PCCA: variants seen among roughly 807,000 people sequenced by gnomAD.
The protein encoded by PCCA is propionyl-CoA carboxylase alpha chain, mitochondrial.
PCCA carries 74 observed loss-of-function variants against 101.3 expected under a neutral mutation model. That is an observed-to-expected ratio of 0.73 (90% confidence interval 0.61 to 0.89). The LOEUF (loss-of-function observed/expected upper bound fraction) is 0.89, where lower values mean the gene tolerates loss of function less well. PCCA is among the 40% of genes least tolerant of loss of function. The pLI is 0.00. For missense variants in PCCA, 891 were observed against 907.0 expected (o/e 0.98, Z 0.23); for synonymous variants, 294 against 313.6 (o/e 0.94, Z 0.66).
intron 21 of PCCA, among the ~76,000 whole-genome samples, chr13:100,459,517 C>G (rs1398224408): frequency 6.6e-6 from 1 of 152,182 alleles, no homozygotes; most frequent in Non-Finnish European, 1.5e-5. Flanking sequence ...TGCAGGAACA[C>G]TGATGATGGC....
intron 4 of PCCA, chr13:100,150,886 G>T (rs1012113395): frequency 2.1e-5 from 32 of 1,557,134 alleles, no homozygotes; most frequent in Non-Finnish European, 2.8e-5. Flanking sequence ...GGCGTTTTCG[G>T]CCACCACGGC....
intron 22 of PCCA, among the ~76,000 whole-genome samples, chr13:100,520,862 T>G (rs1350009432): frequency 6.6e-6 from 1 of 152,214 alleles, no homozygotes; most frequent in Non-Finnish European, 1.5e-5. Context: ...CGTTTGATTT[T>G]TCAGGAGTGA....
intron 13 of PCCA, 59 bp downstream of exon 13, chr13:100,301,662 G>C (rs1317829698): frequency 6.3e-7 from 1 of 1,577,670 alleles, no homozygotes; most frequent in South Asian, 1.1e-5. Flanking sequence ...ATGAGACCTG[G>C]TATAGCCAAA....
At chr13:100,482,949 A>C (rs1331163581) in intron 21 of PCCA, among the ~76,000 whole-genome samples, 1 of 152,244 alleles carries the variant, frequency 6.6e-6, no homozygotes, top group Non-Finnish European at 1.5e-5. Flanking sequence ...TATTCCTTAG[A>C]TACTACCATA....
intron 7 of PCCA, among the ~76,000 whole-genome samples, chr13:100,230,762 G>A (rs2060422129): frequency 6.6e-6 from 1 of 152,060 alleles, no homozygotes; most frequent in African/African-American, 2.4e-5. Context: ...GCGTGTGCTC[G>A]GGATTTGAAA....
chr13:100,321,332 C>T (rs2152716171), intron 16 of PCCA, among the ~76,000 whole-genome samples: 1 of 152,284 alleles, frequency 6.6e-6, no homozygotes, highest in Admixed American at 6.5e-5. Context: ...CCTAATTGAT[C>T]TTTCTAAGCA....
chr13:100,273,343 C>A lies in PCCA; in HGVS notation c.1062C>A (p.Leu354=). The stretch of plus-strand genomic sequence containing the variant: ...ATTTCTTGGAAATGAATACAAGACT[C>A]CAGGTAACAACAACTGTTATTTATT... ...NFYFLEMNTR[L]QVEHPVTECI... The change falls in exon 12 of 24, where the codon CTC becomes CTA. Residue 354 remains leucine (L), a synonymous_variant. Transcript: ENST00000376285. 3.1e-6 allele frequency: 5 copies of A among 1,610,284 alleles called. No individual in the cohort carries two copies. Among genetic ancestry groups the A allele is most frequent in the Non-Finnish European group, 4.2e-6 (5 of 1,176,574 alleles).
intron 22 of PCCA, among the ~76,000 whole-genome samples, chr13:100,517,262 G>A (rs1362734499): frequency 6.6e-6 from 1 of 152,200 alleles, no homozygotes; most frequent in Non-Finnish European, 1.5e-5. Context: ...CTCAGAGGCA[G>A]TAAACGGGGC....
chr13:100,378,365 G>A (rs2152824903), intron 19 of PCCA, among the ~76,000 whole-genome samples: 1 of 152,216 alleles, frequency 6.6e-6, no homozygotes, highest in African/African-American at 2.4e-5. Context: ...TTAAAACTCT[G>A]TATTTGGCTT....
intron 21 of PCCA, among the ~76,000 whole-genome samples, chr13:100,482,719 G>T (rs2084045255): frequency 6.6e-6 from 1 of 152,192 alleles, no homozygotes; most frequent in South Asian, 2.1e-4. Context: ...CTCCCGAGTT[G>T]CTGGGATTAC....
intron 10 of PCCA, 71 bp from the exon 11 acceptor site, chr13:100,268,618 C>T (rs188106555): frequency 1.3e-4 from 133 of 1,059,428 alleles, no homozygotes; most frequent in African/African-American, 6.4e-4. Flanking sequence ...ATGTTGCATG[C>T]GGAAAATATT....
chr13:100,100,447 A>G (rs2047170427), intron 1 of PCCA, among the ~76,000 whole-genome samples: 1 of 152,224 alleles, frequency 6.6e-6, no homozygotes, highest in African/African-American at 2.4e-5. Context: ...GTTGCTAGGA[A>G]ATACCTTACA....
At chr13:100,492,262 G>C (rs1322580688) in intron 21 of PCCA, among the ~76,000 whole-genome samples, 1 of 152,046 alleles carries the variant, frequency 6.6e-6, no homozygotes, top group African/African-American at 2.4e-5. Context: ...TGCCTCCCGA[G>C]TAGCTGGGAC....
intron 18 of PCCA, among the ~76,000 whole-genome samples, chr13:100,358,725 G>C (rs924301164): frequency 2.6e-5 from 4 of 152,166 alleles, no homozygotes; most frequent in Non-Finnish European, 5.9e-5. Context: ...GAAACTTTTG[G>C]AGGTAAAACA....
chr13:100,231,835 T>C (rs965700162), intron 7 of PCCA, among the ~76,000 whole-genome samples: 1 of 152,112 alleles, frequency 6.6e-6, no homozygotes, highest in Non-Finnish European at 1.5e-5. Flanking sequence ...GCCTCCTGAG[T>C]AGCTGGGATT....
At chr13:100,225,191 TA>T (rs1337755619) in intron 7 of PCCA, among the ~76,000 whole-genome samples, 1 of 152,132 alleles carries the variant, frequency 6.6e-6, no homozygotes, top group Non-Finnish European at 1.5e-5. Flanking sequence ...TGCAACAAAG[TA>T]GATGGTGTTG....
At position 100,127,677 on chromosome 13, in the gene PCCA, G is replaced by A. The variant is rs373304449; in HGVS notation, c.300+15616G>A. Among the ~76,000 whole-genome samples, 35 of 152,246 alleles carry A rather than the reference G, an allele frequency of 2.3e-4. No individual in the cohort carries two copies. In the East Asian group the frequency reaches 3.1e-3, roughly 13 times the overall value. ...GGAGGCCGAGGCAGGCGGATCATGA[G>A]GTCAGGAGATCGAGACCATCCTGGC... On this transcript the variant is annotated intron_variant, in intron 4 of 23. Coordinates refer to ENST00000376285, the MANE Select transcript of PCCA (RefSeq NM_000282.4).
intron 9 of PCCA, among the ~76,000 whole-genome samples, chr13:100,262,228 A>G (rs1032431769): frequency 2.0e-5 from 3 of 152,040 alleles, no homozygotes; most frequent in African/African-American, 7.2e-5. Context: ...CCCTGTCTCT[A>G]CCAAAAATAT....
intron 6 of PCCA, among the ~76,000 whole-genome samples, chr13:100,173,452 A>G (rs2055913003): frequency 6.6e-6 from 1 of 152,212 alleles, no homozygotes; most frequent in African/African-American, 2.4e-5. Flanking sequence ...GTAAATAATA[A>G]GAGATAGAAG....
Sources: allele counts gnomAD v4.1 joint callset (sites outside exome capture counted in the v4.1 genomes callset), GRCh38; gene constraint gnomAD v4.1.1; transcripts MANE v1.5; gene names NCBI Gene and HGNC (gene_info 2026-07-23, HGNC 2026-07-21).